The following FMN1 variants were observed in gnomAD, a reference collection of about 807,000 sequenced individuals.
The protein encoded by FMN1 is formin-1.
FMN1 carries 110 observed loss-of-function variants against 132.4 expected under a neutral mutation model. The observed-to-expected ratio is 0.83, with a 90% confidence interval of 0.71 to 0.97. The LOEUF is 0.97. FMN1 is among the 50% of genes least tolerant of loss of function. FMN1 has a pLI of 0.00. For missense variants in FMN1, 1,792 were observed against 1,705.3 expected (o/e 1.05, Z -0.90); for synonymous variants, 722 against 651.7 (o/e 1.11, Z -1.64).
At chr15:32,863,779 G>GA (rs749450258) in intron 16 of FMN1, among the ~76,000 whole-genome samples, 29 of 152,182 alleles carry the variant, frequency 1.9e-4, no homozygotes, top group Non-Finnish European at 3.5e-4. Flanking sequence ...TAGAAAAAGT[G>GA]AATGTCCTTT....
chr15:33,181,178 CAT>C lies in FMN1; in HGVS notation c.-196-918_-196-917del, dbSNP rs1965686889. ...CAGCCAGTTTCCTTTTGGGGGCTCA[CAT>C]GAGGCCACTCCCTTCTGCTATAAGG... On this transcript the variant is annotated intron_variant, in intron 2 of 20. Coordinates refer to ENST00000616417, the MANE Select transcript of FMN1 (RefSeq NM_001277313.2). Among the ~76,000 whole-genome samples the C allele has an allele frequency of 3.3e-5, 5 of 152,310 alleles. No individual in the cohort carries two copies. The South Asian group carries it at 1.0e-3, about 32-fold the overall frequency.
chr15:33,154,312 G>C lies in FMN1; in HGVS notation c.603C>G (p.Ser201=), dbSNP rs2140285570. The change falls in exon 4 of 21, where the codon TCC becomes TCG. Residue 201 remains serine (S), a synonymous_variant. Transcript: ENST00000616417. The part of the protein sequence containing the change: ...MGKDKICSSH[S]LPLSRTRPNL... ...TAGGCCTTGTTCTAGAAAGAGGAAGGGAGTGGCTGGAACAGATCTTGTCCT... is the reference window on the plus strand; with the variant it reads ...TAGGCCTTGTTCTAGAAAGAGGAAGCGAGTGGCTGGAACAGATCTTGTCCT... The C allele has an allele frequency of 1.3e-6, 2 of 1,536,156 alleles. No individual in the cohort carries two copies. The highest frequency in any genetic ancestry group is 4.9e-5 in the East Asian group (2 of 40,910).
At chr15:33,144,016 T>C (rs944268979) in intron 4 of FMN1, among the ~76,000 whole-genome samples, 4 of 152,134 alleles carry the variant, frequency 2.6e-5, no homozygotes, top group Non-Finnish European at 5.9e-5. Flanking sequence ...AAAATTACTA[T>C]TAGATGCAGA....
intron 17 of FMN1, among the ~76,000 whole-genome samples, chr15:32,827,962 T>A (rs1370430625): frequency 6.6e-6 from 1 of 152,064 alleles, no homozygotes; most frequent in African/African-American, 2.4e-5. Context: ...AAAACATGGT[T>A]TATTCACACA....
intron 6 of FMN1, among the ~76,000 whole-genome samples, chr15:33,057,593 A>G (rs942627195): frequency 6.6e-6 from 1 of 152,194 alleles, no homozygotes; most frequent in African/African-American, 2.4e-5. Context: ...TTCGAACTCA[A>G]GTTTAGTTGA....
At chr15:33,179,319 G>A (rs1483608480) in intron 3 of FMN1, among the ~76,000 whole-genome samples, 1 of 152,072 alleles carries the variant, frequency 6.6e-6, no homozygotes, top group Non-Finnish European at 1.5e-5. Flanking sequence ...GAAAAAAATG[G>A]ATCTATGAAA....
intron 17 of FMN1, among the ~76,000 whole-genome samples, chr15:32,821,910 A>G (rs977227841): frequency 1.3e-5 from 2 of 152,130 alleles, no homozygotes; most frequent in African/African-American, 2.4e-5. Flanking sequence ...TCCCATTTTG[A>G]TATCACCTGC....
rs192292375 is a variant in FMN1 at position 33,091,639 on chromosome 15, A to G, written c.1868-2665T>C. Among the ~76,000 whole-genome samples, 28 of 152,342 alleles carry G rather than the reference A, an allele frequency of 1.8e-4. No homozygotes were observed. In the East Asian group the frequency reaches 4.6e-3, roughly 25 times the overall value. The stretch of plus-strand genomic sequence containing the variant: ...AGTCTGACAAAGTAGGTTAGGACAA[A>G]TGACAAAGTCAACATTCTGACGACC... On this transcript the variant is annotated intron_variant, in intron 4 of 20. Coordinates refer to ENST00000616417, the MANE Select transcript of FMN1 (RefSeq NM_001277313.2).
chr15:33,122,052 G>A (rs182215167), intron 4 of FMN1, among the ~76,000 whole-genome samples: 6 of 151,584 alleles, frequency 4.0e-5, no homozygotes, highest in African/African-American at 7.2e-5. Context: ...CAGGCCAATA[G>A]ACAAAGAACA....
At chr15:33,125,151 CAG>C (rs1005531066) in intron 4 of FMN1, among the ~76,000 whole-genome samples, 16 of 152,134 alleles carry the variant, frequency 1.1e-4, no homozygotes, top group South Asian at 2.1e-4. Flanking sequence ...CGGTAGAATG[CAG>C]AGTTTGAATC....
intron 6 of FMN1, among the ~76,000 whole-genome samples, chr15:33,008,893 A>T (rs1451367652): frequency 1.3e-5 from 2 of 152,140 alleles, no homozygotes; most frequent in East Asian, 1.9e-4. Flanking sequence ...TTATTTTACA[A>T]ATGTGTTTGG....
chr15:33,091,668 A>G (rs548685931), intron 4 of FMN1, among the ~76,000 whole-genome samples: 1 of 152,216 alleles, frequency 6.6e-6, no homozygotes, highest in Non-Finnish European at 1.5e-5. Flanking sequence ...GACGACCACA[A>G]TGTATTTATA....
rs993330960 is a variant in FMN1, at chr15:32,773,990, A to C, written c.*320T>G. 5 of 354,084 alleles carry C rather than the reference A, an allele frequency of 1.4e-5. No individual in the cohort carries two copies. The Admixed American group carries it at 2.0e-4, about 15-fold the overall frequency. 21.9% of individuals were successfully genotyped at this position (354,084 alleles called of 1,614,324 possible). The stretch of plus-strand genomic sequence containing the variant: ...TATCAAGCTTTGGTTATAAAGCTGG[A>C]AATCTCAGCTTTTAAAAAAATTTTG... On this transcript the variant is annotated 3_prime_UTR_variant, in exon 21 of 21. Coordinates refer to ENST00000616417, the MANE Select transcript of FMN1 (RefSeq NM_001277313.2).
At chr15:33,077,883 A>C (rs1187948938) in intron 5 of FMN1, among the ~76,000 whole-genome samples, 1 of 152,210 alleles carries the variant, frequency 6.6e-6, no homozygotes, top group Non-Finnish European at 1.5e-5. Flanking sequence ...AGACACATGA[A>C]AAAATGCTCA....
At chr15:33,120,371 G>A (rs1360835552) in intron 4 of FMN1, among the ~76,000 whole-genome samples, 2 of 152,100 alleles carry the variant, frequency 1.3e-5, no homozygotes, top group African/African-American at 4.8e-5. Flanking sequence ...CAGGTCAATG[G>A]ATTAGGTTAC....
intron 10 of FMN1, among the ~76,000 whole-genome samples, chr15:32,913,102 C>T (rs2060602958): frequency 6.6e-6 from 1 of 152,076 alleles, no homozygotes; most frequent in African/African-American, 2.4e-5. Flanking sequence ...TGTTTCTGAT[C>T]GCGGTTACTA....
chr15:33,002,194 C>T (rs548624322), intron 7 of FMN1, among the ~76,000 whole-genome samples: 1 of 152,208 alleles, frequency 6.6e-6, no homozygotes, highest in South Asian at 2.1e-4. Flanking sequence ...TTCTTTTGTA[C>T]TTTAAAAGCA....
intron 17 of FMN1, among the ~76,000 whole-genome samples, chr15:32,819,182 G>A (rs1036785513): frequency 1.3e-5 from 2 of 151,954 alleles, no homozygotes; most frequent in African/African-American, 2.4e-5. Context: ...CGAGGAGGGG[G>A]AGGAAAACCT....
intron 6 of FMN1, chr15:33,012,764 G>A (rs1308724640): frequency 5.5e-6 from 4 of 723,712 alleles, no homozygotes; most frequent in Admixed American, 5.3e-5. Context: ...GACATCTTTG[G>A]TTATGGAGAA....
Sources: allele counts gnomAD v4.1 joint callset (sites outside exome capture counted in the v4.1 genomes callset), GRCh38; gene constraint gnomAD v4.1.1; transcripts MANE v1.5; gene names NCBI Gene and HGNC (gene_info 2026-07-23, HGNC 2026-07-21).